The following UGT1A8 variants were observed in gnomAD, a reference collection of about 807,000 sequenced individuals.
The protein encoded by UGT1A8 is UDP-glucuronosyltransferase 1A8.
In UGT1A8, 39 loss-of-function variants were observed where a neutral mutation model predicts 45.3. That is an observed-to-expected ratio of 0.86 (90% CI 0.67 to 1.12). The LOEUF (loss-of-function observed/expected upper bound fraction) is 1.12. UGT1A8 is among the 50% of genes most tolerant of loss of function. The pLI is 0.00. For missense variants in UGT1A8, 719 were observed against 664.9 expected, an observed-to-expected ratio of 1.08 and a Z score of -0.90; for synonymous variants, 275 against 249.2, an observed-to-expected ratio of 1.10 and a Z score of -0.97.
At chr2:233,709,482 A>G (rs886637388) in intron 1 of UGT1A8, among the ~76,000 whole-genome samples, 4 of 152,202 alleles carry the variant, frequency 2.6e-5, no homozygotes, top group African/African-American at 9.7e-5. Flanking sequence ...ATAAGTATTT[A>G]GTATTTGAAG....
chr2:233,737,590 T>C (rs2078898142), intron 1 of UGT1A8, among the ~76,000 whole-genome samples: 1 of 152,212 alleles, frequency 6.6e-6, no homozygotes, highest in Non-Finnish European at 1.5e-5. Context: ...CCCAATGAGA[T>C]GAACCAGGTA....
chr2:233,740,994 G>A (rs1691532942), intron 1 of UGT1A8: 1 of 151,722 alleles, frequency 6.6e-6, no homozygotes, highest in African/African-American at 2.4e-5. Flanking sequence ...TGCTGAGGAG[G>A]AAGGATCACT....
intron 1 of UGT1A8, chr2:233,637,029 C>T (rs779221713): frequency 7.4e-6 from 12 of 1,613,946 alleles, no homozygotes; most frequent in East Asian, 2.2e-5. Flanking sequence ...TGGTCTTCAC[C>T]AGGGGAATAT....
chr2:233,627,713 A>G (rs1277089321), intron 1 of UGT1A8, among the ~76,000 whole-genome samples: 3 of 138,254 alleles, frequency 2.2e-5, no homozygotes, highest in East Asian at 2.1e-4. Flanking sequence ...GTCCTTATCT[A>G]GCTTCATTTA....
intron 1 of UGT1A8, among the ~76,000 whole-genome samples, chr2:233,737,542 G>A (rs1380608470): frequency 6.6e-6 from 1 of 152,180 alleles, no homozygotes; most frequent in East Asian, 1.9e-4. Flanking sequence ...CCCTGCTTCG[G>A]CTTGCCCTCA....
intron 1 of UGT1A8, among the ~76,000 whole-genome samples, chr2:233,679,063 A>G (rs10207520): frequency 0.18 from 27,742 of 151,884 alleles, 2,760 homozygotes; most frequent in Non-Finnish European, 0.23. Flanking sequence ...ATTCTCTTCC[A>G]TAGTATTGAC....
At position 233,743,108 on chromosome 2, in the gene UGT1A8, C is replaced by G. The variant is rs1240722532; in HGVS notation, c.856-23926C>G. ...TTATAAATTCTTGGGTACAGCTGTT[C>G]TGAAAGTAAAGTTCACTTTCAATCC... On this transcript the variant is annotated intron_variant, in intron 1 of 4. Transcript: ENST00000373450. The G allele has an allele frequency of 4.8e-5, 17 of 354,252 alleles. No homozygotes were observed. The East Asian group carries it at 6.6e-4, about 14-fold the overall frequency. The allele number at this position is 354,252 out of a possible 1,614,324, so 21.9% of individuals were successfully genotyped here.
At chr2:233,704,889 T>G (rs2075811828) in intron 1 of UGT1A8, among the ~76,000 whole-genome samples, 1 of 152,064 alleles carries the variant, frequency 6.6e-6, no homozygotes, top group South Asian at 2.1e-4. Flanking sequence ...ATCCCAGCAC[T>G]TTGGAAGGCT....
intron 1 of UGT1A8, among the ~76,000 whole-genome samples, chr2:233,674,607 A>C (rs1212988106): frequency 6.6e-6 from 1 of 151,964 alleles, no homozygotes; most frequent in African/African-American, 2.4e-5. Context: ...AATATGAAAC[A>C]TCAAACTATA....
chr2:233,642,587 C>T (rs1350331734), intron 1 of UGT1A8, among the ~76,000 whole-genome samples: 1 of 152,216 alleles, frequency 6.6e-6, no homozygotes, highest in Admixed American at 6.5e-5. Context: ...AGACATTCTT[C>T]AGTGTCTGGG....
intron 1 of UGT1A8, among the ~76,000 whole-genome samples, chr2:233,717,070 C>T (rs1164354349): frequency 2.0e-5 from 3 of 152,106 alleles, no homozygotes; most frequent in South Asian, 4.2e-4. Context: ...GTGCCAGACA[C>T]GTAACCAGAA....
intron 1 of UGT1A8, among the ~76,000 whole-genome samples, chr2:233,710,543 A>G (rs2076136295): frequency 6.6e-6 from 1 of 152,198 alleles, no homozygotes; most frequent in Admixed American, 6.5e-5. Flanking sequence ...CTTATTGATC[A>G]TATGCCTGTT....
Position 233,729,571 on chromosome 2 carries a change from G to A in UGT1A8, c.856-37463G>A, listed in dbSNP as rs965988508. The A allele has an allele frequency of 3.7e-6, 6 of 1,613,982 alleles. No individual in the cohort carries two copies. In the African/African-American group the frequency reaches 6.7e-5, roughly 18 times the overall value. ...CCTGAATGCTACTTCCTTTGATGTG[G>A]TTTTAACAGACCCCGTTAACCTCTG... On this transcript the variant is annotated intron_variant, in intron 1 of 4. Transcript: ENST00000373450.
At chr2:233,724,057 G>C (rs1302014170) in intron 1 of UGT1A8, among the ~76,000 whole-genome samples, 9 of 86,764 alleles carry the variant, frequency 1.0e-4, no homozygotes, top group Non-Finnish European at 1.5e-4. Flanking sequence ...ACACCTCCCA[G>C]ACGGGGTGGT....
At chr2:233,623,954 T>C (rs1367939788) in intron 1 of UGT1A8, among the ~76,000 whole-genome samples, 1 of 152,170 alleles carries the variant, frequency 6.6e-6, no homozygotes, top group Non-Finnish European at 1.5e-5. Context: ...GCAAATATTT[T>C]CTCACAGTCC....
At chr2:233,738,236 C>A (rs1038259131) in intron 1 of UGT1A8, among the ~76,000 whole-genome samples, 4 of 152,220 alleles carry the variant, frequency 2.6e-5, no homozygotes, top group African/African-American at 4.8e-5. Flanking sequence ...GAGGCCCCTC[C>A]AGCCACATGG....
chr2:233,719,669 C>T (rs375077876), intron 1 of UGT1A8: 192 of 1,614,064 alleles, frequency 1.2e-4, no homozygotes, highest in East Asian at 4.0e-4. Context: ...ACTGTGCCAA[C>T]GGGAAGCCAC....
chr2:233,691,597 G>A (rs913844401), intron 1 of UGT1A8: 3 of 985,688 alleles, frequency 3.0e-6, no homozygotes, highest in Non-Finnish European at 3.6e-6. Context: ...TTCTACACAG[G>A]TCTTGCTCTG....
At chr2:233,729,454 T>C (rs758737792) in intron 1 of UGT1A8, 3 of 1,614,042 alleles carry the variant, frequency 1.9e-6, no homozygotes, top group Non-Finnish European at 2.5e-6. Flanking sequence ...TCTGAAGAAA[T>C]TTTTCAGAAG....
Sources: allele counts gnomAD v4.1 joint callset (sites outside exome capture counted in the v4.1 genomes callset), GRCh38; gene constraint gnomAD v4.1.1; transcripts MANE v1.5; gene names NCBI Gene and HGNC (gene_info 2026-07-23, HGNC 2026-07-21).